The following BCAS3 variants were observed in gnomAD, a reference collection of about 807,000 sequenced individuals.
BCAS3 encodes BCAS4/BCAS3 fusion.
Under a neutral mutation model 116.1 loss-of-function variants are expected in BCAS3, and 53 were observed. The observed-to-expected ratio is 0.46, with a 90% confidence interval of 0.37 to 0.57. BCAS3 has a LOEUF of 0.57. Among genes scored for constraint, BCAS3 ranks in the 20% least tolerant of loss-of-function variants. BCAS3 has a pLI of 0.00. For missense variants in BCAS3, 917 were observed against 1,165.4 expected (o/e 0.79, Z 3.10); for synonymous variants, 391 against 408.2 (o/e 0.96, Z 0.51).
chr17:61,128,032 C>A lies in BCAS3; in HGVS notation c.2425+43468C>A. On this transcript the variant is annotated intron_variant, in intron 22 of 23. Transcript: ENST00000407086. The surrounding 1 kb of genome is among the most constrained non-coding windows in gnomAD (Gnocchi z 4.1). Reference sequence around the variant, plus strand: ...TTTGGGGAAGACATTCAGCAAAGAACACCACAATTCCCATTGAGCTCAGAA... The same window carrying A: ...TTTGGGGAAGACATTCAGCAAAGAAAACCACAATTCCCATTGAGCTCAGAA... 4.3e-6 allele frequency: 1 copy of A among 233,520 alleles called. No individual in the cohort carries two copies. Among genetic ancestry groups the A allele is most frequent in the Non-Finnish European group, 7.0e-6 (1 of 142,724 alleles). 14.5% of individuals were successfully genotyped at this position (233,520 alleles called of 1,614,324 possible). A position where few individuals can be genotyped will look rare whatever the true frequency, so the allele number is the denominator to read the frequency against.
chr17:60,681,454 C>T (rs921324242), intron 2 of BCAS3, among the ~76,000 whole-genome samples: 4 of 149,808 alleles, frequency 2.7e-5, no homozygotes, highest in African/African-American at 4.9e-5. Flanking sequence ...GAGCTGAGAT[C>T]GCACCACTGC....
At chr17:61,320,096 G>T (rs1054885780) in intron 22 of BCAS3, among the ~76,000 whole-genome samples, 1 of 151,558 alleles carries the variant, frequency 6.6e-6, no homozygotes, top group Non-Finnish European at 1.5e-5. Context: ...TGCTATGTTT[G>T]CCAGGCTGGT....
At chr17:60,868,109 C>T (rs1394151872) in intron 7 of BCAS3, among the ~76,000 whole-genome samples, 3 of 151,378 alleles carry the variant, frequency 2.0e-5, no homozygotes, top group African/African-American at 7.3e-5. Context: ...CCGCACCCTC[C>T]GCCTCCTAGG....
intron 22 of BCAS3, among the ~76,000 whole-genome samples, chr17:61,317,578 G>T (rs974744978): frequency 1.3e-5 from 2 of 152,192 alleles, no homozygotes; most frequent in African/African-American, 4.8e-5. Context: ...AGAGGGCTCG[G>T]CGTAGAGACC....
chr17:60,807,914 C>A (rs1598853002), intron 6 of BCAS3, 90 bp from the exon 7 acceptor site: 7 of 878,984 alleles, frequency 8.0e-6, no homozygotes, highest in African/African-American at 5.1e-5. Flanking sequence ...GAATACTTCT[C>A]CTTTTCAAGT....
Position 61,045,880 on chromosome 17 carries a change from TATATTATATATATA to T in BCAS3, c.2029+4993_2029+5006del, listed in dbSNP as rs1299706648. On this transcript the variant is annotated intron_variant, in intron 19 of 23. Transcript: ENST00000407086. ...ATATATATATAAATATATATAAATA[TATATTATATATATA>T]ATATATATAAATATATATTTATATA... Among the ~76,000 whole-genome samples, 115 of 45,466 alleles carry T rather than the reference TATATTATATATATA, an allele frequency of 2.5e-3. 25 individuals carry two copies. In the African/African-American group the frequency reaches 0.032, roughly 13 times the overall value. 29.8% of individuals were successfully genotyped at this position (45,466 alleles called of 152,430 possible). A position where few individuals can be genotyped will look rare whatever the true frequency, so the allele number is the denominator to read the frequency against.
intron 22 of BCAS3, among the ~76,000 whole-genome samples, chr17:61,345,008 T>C (rs766877203): frequency 6.6e-5 from 10 of 152,074 alleles, no homozygotes; most frequent in Admixed American, 1.3e-4. Flanking sequence ...AAGCACAGGG[T>C]AATCTGGATT....
chr17:60,795,445 A>T (rs938947829), intron 6 of BCAS3, among the ~76,000 whole-genome samples: 4 of 152,052 alleles, frequency 2.6e-5, no homozygotes, highest in Non-Finnish European at 5.9e-5. Flanking sequence ...TAGGACTTCC[A>T]GTACTATGTT....
At chr17:61,190,120 G>A (rs2080013457) in intron 22 of BCAS3, among the ~76,000 whole-genome samples, 1 of 152,142 alleles carries the variant, frequency 6.6e-6, no homozygotes, top group South Asian at 2.1e-4. Flanking sequence ...TCAATGATGA[G>A]GACAGAAGTA....
At chr17:60,938,757 G>GATAGATAT (rs1364134124) in intron 13 of BCAS3, among the ~76,000 whole-genome samples, 1 of 150,896 alleles carries the variant, frequency 6.6e-6, no homozygotes, top group African/African-American at 2.5e-5. Flanking sequence ...TAGATAGATA[G>GATAGATAT]ATATTGAAAA....
intron 7 of BCAS3, chr17:60,851,652 TA>T: frequency 1.4e-6 from 1 of 737,284 alleles, no homozygotes; most frequent in Non-Finnish European, 2.5e-6. Flanking sequence ...TGAAAGAAAC[TA>T]AAGAAGATTT....
At chr17:61,001,935 C>T (rs2064271297) in intron 15 of BCAS3, among the ~76,000 whole-genome samples, 1 of 152,038 alleles carries the variant, frequency 6.6e-6, no homozygotes, top group Non-Finnish European at 1.5e-5. Flanking sequence ...TAATACCTTC[C>T]TGAAAACAAG....
chr17:60,685,066 G>C (rs1292211085), intron 3 of BCAS3, among the ~76,000 whole-genome samples: 2 of 152,220 alleles, frequency 1.3e-5, no homozygotes, highest in Admixed American at 1.3e-4. Flanking sequence ...AATTTAGTGA[G>C]AATGTAATGG....
At chr17:60,819,951 A>C (rs4465656) in intron 7 of BCAS3, among the ~76,000 whole-genome samples, 5,039 of 152,078 alleles carry the variant, frequency 0.033, 257 homozygotes, top group African/African-American at 0.11. Context: ...AAGCAAGAGG[A>C]GATAACCCTT....
At chr17:61,306,413 GA>G (rs1480399372) in intron 22 of BCAS3, among the ~76,000 whole-genome samples, 2 of 152,052 alleles carry the variant, frequency 1.3e-5, no homozygotes, top group Admixed American at 1.3e-4. Context: ...GTTTTTAAAT[GA>G]AAAAACAATT....
At chr17:61,238,053 TTTTG>T (rs993728216) in intron 22 of BCAS3, among the ~76,000 whole-genome samples, 2 of 152,068 alleles carry the variant, frequency 1.3e-5, no homozygotes, top group African/African-American at 4.8e-5. Flanking sequence ...AGAGTTTTGT[TTTTG>T]TTTTTGTTTT....
intron 22 of BCAS3, among the ~76,000 whole-genome samples, chr17:61,338,046 A>G (rs909703171): frequency 2.0e-5 from 3 of 152,198 alleles, no homozygotes; most frequent in African/African-American, 7.2e-5. Flanking sequence ...TTAATGTTGT[A>G]TCTCAGTGAC....
intron 22 of BCAS3, among the ~76,000 whole-genome samples, chr17:61,232,019 A>G (rs2082711724): frequency 6.6e-6 from 1 of 151,694 alleles, no homozygotes; most frequent in Non-Finnish European, 1.5e-5. Context: ...AGCCTGGCCA[A>G]TACGGTGAAA....
At position 61,224,048 on chromosome 17, in the gene BCAS3, T is replaced by C. The variant is rs981195451; in HGVS notation, c.2425+139484T>C. ...TTCAATTTTTTTCAACCACCTCTAA[T>C]TGAGAGTAGAAAAGCATTTGCTTTC... On this transcript the variant is annotated intron_variant, in intron 22 of 23. Transcript: ENST00000407086. The surrounding 1 kb of genome is among the most constrained non-coding windows in gnomAD (Gnocchi z 5.7). Among the ~76,000 whole-genome samples the C allele has an allele frequency of 2.0e-5, 3 of 152,216 alleles. No homozygotes were observed. Among genetic ancestry groups the C allele is most frequent in the African/African-American group, 7.2e-5 (3 of 41,452 alleles).
Sources: allele counts gnomAD v4.1 joint callset (sites outside exome capture counted in the v4.1 genomes callset), GRCh38; gene constraint gnomAD v4.1.1; non-coding constraint Gnocchi (gnomAD v3.1); transcripts MANE v1.5; gene names NCBI Gene and HGNC (gene_info 2026-07-23, HGNC 2026-07-21).